Variants in UGT1A8 observed in about 807,000 individuals in gnomAD.
UGT1A8 encodes the protein UDP glucuronosyltransferase family 1 member A8.
Under a neutral mutation model 45.3 loss-of-function variants are expected in UGT1A8, and 39 were observed. That is an observed-to-expected ratio of 0.86 (90% CI 0.67 to 1.12). The LOEUF (loss-of-function observed/expected upper bound fraction) is 1.12. Among genes scored for constraint, UGT1A8 ranks in the 50% most tolerant of loss-of-function variants. The pLI, the probability that UGT1A8 is intolerant of heterozygous loss-of-function variation, is 0.00. For synonymous variants in UGT1A8, 275 were observed against 249.2 expected (o/e 1.10, Z -0.97); for missense variants, 719 against 664.9 (o/e 1.08, Z -0.90).
At chr2:233,619,104 T>C (rs1039888633) in intron 1 of UGT1A8, among the ~76,000 whole-genome samples, 1 of 152,158 alleles carries the variant, frequency 6.6e-6, no homozygotes. Flanking sequence ...TATATTCTTT[T>C]CAGTATAAAA....
intron 1 of UGT1A8, among the ~76,000 whole-genome samples, chr2:233,749,970 G>A (rs373320687): frequency 6.6e-6 from 1 of 151,884 alleles, no homozygotes; most frequent in Non-Finnish European, 1.5e-5. Context: ...TGTCTTTATA[G>A]CAGTGTGAGA....
At chr2:233,626,916 A>C (rs779501604) in intron 1 of UGT1A8, among the ~76,000 whole-genome samples, 22 of 152,104 alleles carry the variant, frequency 1.4e-4, no homozygotes, top group Non-Finnish European at 3.2e-4. Flanking sequence ...CTTCAGGGAC[A>C]AAGCGTTGAT....
At position 233,681,928 on chromosome 2, in the gene UGT1A8, A is replaced by C. The variant is rs758972626; in HGVS notation, c.855+63366A>C. 3.7e-6 allele frequency: 6 copies of C among 1,610,014 alleles called. No individual in the cohort carries two copies. In the African/African-American group the frequency reaches 8.0e-5, roughly 22 times the overall value. ...AATCCCAGCTGCTGGCTCTGGGCTG[A>C]AGTTCTCTGATGGCTCGTGCAGGGT... On this transcript the variant is annotated intron_variant, in intron 1 of 4. Coordinates refer to ENST00000373450, the MANE Select transcript of UGT1A8 (RefSeq NM_019076.5).
intron 1 of UGT1A8, among the ~76,000 whole-genome samples, chr2:233,642,470 C>A (rs758122568): frequency 1.3e-5 from 2 of 152,180 alleles, no homozygotes; most frequent in Non-Finnish European, 2.9e-5. Context: ...ATTTTGAATT[C>A]TCTGTCTGAA....
chr2:233,693,979 G>A, intron 1 of UGT1A8: 1 of 1,559,558 alleles, frequency 6.4e-7, no homozygotes. Context: ...AGAAACGGTG[G>A]GGGGAAGTGA....
rs768211852 is a variant in UGT1A8 at position 233,729,747 on chromosome 2, C to T, written c.856-37287C>T. 3.1e-6 allele frequency: 5 copies of T among 1,614,002 alleles called. No individual in the cohort carries two copies. The South Asian group carries it at 4.4e-5, about 14-fold the overall frequency. The stretch of plus-strand genomic sequence containing the variant: ...CAACCAATTCAGACCACATGACATT[C>T]ATGCAAAGGGTCAAGAACATGCTCT... On this transcript the variant is annotated intron_variant, in intron 1 of 4. Coordinates refer to ENST00000373450, the MANE Select transcript of UGT1A8 (RefSeq NM_019076.5).
At chr2:233,732,129 GTTGTTTGT>G (rs201829156) in intron 1 of UGT1A8, among the ~76,000 whole-genome samples, 3 of 151,474 alleles carry the variant, frequency 2.0e-5, no homozygotes, top group African/African-American at 4.9e-5. Context: ...TTTTGATGAG[GTTGTTTGT>G]TTGTTTTTTT....
chr2:233,757,874 A>G (rs1242256383), intron 1 of UGT1A8, among the ~76,000 whole-genome samples: 10 of 152,078 alleles, frequency 6.6e-5, no homozygotes, highest in Admixed American at 5.9e-4. Flanking sequence ...AAGTAGCTTC[A>G]AAAGGGTTCC....
intron 1 of UGT1A8, chr2:233,693,494 G>A (rs1459595620): frequency 6.2e-7 from 1 of 1,614,090 alleles, no homozygotes; most frequent in East Asian, 2.2e-5. Flanking sequence ...TGAGTATTTG[G>A]GCCTACCATC....
intron 1 of UGT1A8, among the ~76,000 whole-genome samples, chr2:233,732,434 T>A (rs2078271939): frequency 6.6e-6 from 1 of 152,264 alleles, no homozygotes; most frequent in African/African-American, 2.4e-5. Context: ...AGGATTTTTA[T>A]GGTTTTAGGT....
chr2:233,666,560 T>C (rs1280064776), intron 1 of UGT1A8, among the ~76,000 whole-genome samples: 1 of 152,228 alleles, frequency 6.6e-6, no homozygotes, highest in African/African-American at 2.4e-5. Flanking sequence ...TTAAAGATTA[T>C]TTATATTCTG....
At chr2:233,706,530 A>G (rs921151906) in intron 1 of UGT1A8, among the ~76,000 whole-genome samples, 13 of 152,210 alleles carry the variant, frequency 8.5e-5, no homozygotes, top group African/African-American at 2.9e-4. Context: ...GCGGCTTAGA[A>G]ACACAGCTTT....
At chr2:233,682,585 A>T (rs1276385712) in intron 1 of UGT1A8, 1 of 1,613,824 alleles carries the variant, frequency 6.2e-7, no homozygotes, top group East Asian at 2.2e-5. Flanking sequence ...ACTTGGAGGA[A>T]CATTTATTTT....
intron 1 of UGT1A8, among the ~76,000 whole-genome samples, chr2:233,630,699 CAG>C (rs953856190): frequency 4.6e-5 from 7 of 151,964 alleles, no homozygotes; most frequent in African/African-American, 1.7e-4. Context: ...AAGAGAGAGA[CAG>C]GGGAGATGGC....
chr2:233,761,269 T>C, intron 1 of UGT1A8: 1 of 1,591,986 alleles, frequency 6.3e-7, no homozygotes, highest in Non-Finnish European at 8.6e-7. Context: ...TAAAATGCCC[T>C]CTTTTGTTAA....
intron 1 of UGT1A8, chr2:233,648,030 A>G (rs1379464941): frequency 1.9e-6 from 3 of 1,597,780 alleles, no homozygotes; most frequent in African/African-American, 1.3e-5. Flanking sequence ...TGAGTTGGCA[A>G]CTGGGAAGAT....
intron 1 of UGT1A8, chr2:233,636,918 A>G: frequency 1.2e-6 from 2 of 1,614,156 alleles, no homozygotes; most frequent in Admixed American, 3.3e-5. Context: ...ATGACCGAAA[A>G]TTAGTAGAAT....
intron 1 of UGT1A8, among the ~76,000 whole-genome samples, chr2:233,622,192 CGTGTGCAT>C (rs1432512291): frequency 6.6e-6 from 1 of 152,092 alleles, no homozygotes; most frequent in African/African-American, 2.4e-5. Context: ...AATAAACATA[CGTGTGCAT>C]GTGTCTTTAT....
At chr2:233,706,682 A>C (rs182459361) in intron 1 of UGT1A8, among the ~76,000 whole-genome samples, 33 of 151,848 alleles carry the variant, frequency 2.2e-4, no homozygotes, top group African/African-American at 7.7e-4. Flanking sequence ...TCCCCACCCC[A>C]CTCCTTCTTG....
Sources: gnomAD v4.1 joint callset for allele counts (sites outside exome capture counted in the v4.1 genomes callset) on GRCh38, gnomAD v4.1.1 for gene constraint, MANE v1.5 for transcripts, NCBI Gene and HGNC (gene_info 2026-07-23, HGNC 2026-07-21) for gene names.